Variants in ADAMTSL1 observed in about 807,000 individuals in gnomAD.
The protein encoded by ADAMTSL1 is ADAMTS-like protein 1.
In ADAMTSL1, 126 loss-of-function variants were observed where a neutral mutation model predicts 201.8. The observed-to-expected ratio is 0.62, with a 90% confidence interval of 0.54 to 0.72. The LOEUF (loss-of-function observed/expected upper bound fraction) is 0.72. ADAMTSL1 is among the 30% of genes least tolerant of loss of function. The probability of loss-of-function intolerance (pLI) is 0.00; values close to 1 mark genes in which losing one functional copy is unlikely to be tolerated. For synonymous variants in ADAMTSL1, 1,121 were observed against 903.4 expected (o/e 1.24, Z -4.32); for missense variants, 2,679 against 2,277.8 (o/e 1.18, Z -3.59).
chr9:18,515,271 T>C (rs1211799803), intron 2 of ADAMTSL1, among the ~76,000 whole-genome samples: 1 of 152,140 alleles, frequency 6.6e-6, no homozygotes, highest in African/African-American at 2.4e-5. Flanking sequence ...AGTGCAATGA[T>C]GAGGTTTATC....
intron 1 of ADAMTSL1, among the ~76,000 whole-genome samples, chr9:18,124,833 C>T (rs1052772243): frequency 6.6e-6 from 1 of 152,052 alleles, no homozygotes; most frequent in African/African-American, 2.4e-5. Context: ...GTTTTCTGGT[C>T]CGAAGTGTTT....
chr9:17,965,206 G>C (rs1442109484), intron 1 of ADAMTSL1, among the ~76,000 whole-genome samples: 2 of 152,012 alleles, frequency 1.3e-5, no homozygotes, highest in African/African-American at 4.8e-5. Flanking sequence ...TATTTCAATA[G>C]AAGAGTTTCA....
intron 2 of ADAMTSL1, among the ~76,000 whole-genome samples, chr9:18,259,984 A>G (rs1329503191): frequency 1.3e-5 from 2 of 152,098 alleles, no homozygotes; most frequent in Non-Finnish European, 2.9e-5. Flanking sequence ...TGCTGATACT[A>G]CCCCTCTGGA....
rs150800733 is a variant in ADAMTSL1, at chr9:18,213,053, C to A, written c.207+49072C>A. On this transcript the variant is annotated intron_variant, in intron 2 of 29. Transcript: ENST00000680146. ...AACATCAACTCAGCCTGACTTAATG[C>A]AAGACTTGACCATTTTATTTTTTGG... 1.0e-3 allele frequency among the ~76,000 whole-genome samples: 153 copies of A among 152,306 alleles called. 1 individual carries two copies. Among genetic ancestry groups the A allele is most frequent in the African/African-American group, 3.4e-3 (140 of 41,570 alleles).
At chr9:18,335,108 A>C (rs985243070) in intron 2 of ADAMTSL1, among the ~76,000 whole-genome samples, 1 of 152,200 alleles carries the variant, frequency 6.6e-6, no homozygotes, top group Non-Finnish European at 1.5e-5. Flanking sequence ...AATGACAAAG[A>C]TAATCAAAGT....
intron 12 of ADAMTSL1, 93 bp from the exon 13 acceptor site, chr9:18,684,623 A>T (rs765101447): frequency 1.4e-6 from 2 of 1,401,586 alleles, no homozygotes; most frequent in Non-Finnish European, 1.9e-6. Context: ...TGGTCAACGT[A>T]GTAACTTCTT....
At chr9:18,141,354 C>A (rs1826390516) in intron 1 of ADAMTSL1, among the ~76,000 whole-genome samples, 1 of 152,164 alleles carries the variant, frequency 6.6e-6, no homozygotes, top group Admixed American at 6.5e-5. Context: ...GGGAAAGAGG[C>A]TCTAAGAAAA....
At chr9:18,165,171 AT>A (rs1336064179) in intron 2 of ADAMTSL1, among the ~76,000 whole-genome samples, 1 of 151,740 alleles carries the variant, frequency 6.6e-6, no homozygotes, top group African/African-American at 2.4e-5. Context: ...TTTCCTTCTT[AT>A]GAAAAATATC....
chr9:18,906,183 G>A (rs1830300894), intron 27 of ADAMTSL1, among the ~76,000 whole-genome samples: 1 of 152,162 alleles, frequency 6.6e-6, no homozygotes, highest in African/African-American at 2.4e-5. Context: ...CTAGCCCCAG[G>A]GTGGTCAGGA....
At chr9:18,387,312 T>C (rs1234387433) in intron 2 of ADAMTSL1, among the ~76,000 whole-genome samples, 2 of 151,996 alleles carry the variant, frequency 1.3e-5, no homozygotes, top group Non-Finnish European at 2.9e-5. Flanking sequence ...TCACCAGTCT[T>C]ACAGACATAT....
chr9:18,427,410 A>G lies in ADAMTSL1; in HGVS notation c.208-77419A>G, dbSNP rs79886786. ...GAAAAACAGATTCTCAAGCTATGTC[A>G]TAGAAGTGTGTTACTAAAATATTTG... On this transcript the variant is annotated intron_variant, in intron 2 of 29. Coordinates refer to the ADAMTSL1 transcript ENST00000680146. 8.4e-4 allele frequency among the ~76,000 whole-genome samples: 128 copies of G among 152,370 alleles called. 3 individuals are homozygous for G. The East Asian group carries it at 0.023, about 27-fold the overall frequency.
At chr9:18,716,224 A>T in intron 14 of ADAMTSL1, among the ~76,000 whole-genome samples, 1 of 152,190 alleles carries the variant, frequency 6.6e-6, no homozygotes, top group East Asian at 1.9e-4. Flanking sequence ...AACAAAAGCC[A>T]GAATTGACAA....
At position 18,639,240 on chromosome 9, in the gene ADAMTSL1, G is replaced by T. The variant is rs769504622; in HGVS notation, c.677-14G>T. On this transcript the variant is annotated splice_polypyrimidine_tract_variant and intron_variant, in intron 6 of 28. Transcript: ENST00000380548. Reference sequence around the variant, plus strand: ...GAACATCTTTCTCTCATCTTCACGTGTTTGATCATATAGATCTGGAAACCA... The same window carrying T: ...GAACATCTTTCTCTCATCTTCACGTTTTTGATCATATAGATCTGGAAACCA... The T allele has an allele frequency of 6.2e-7, 1 of 1,612,130 alleles. No homozygotes were observed. The highest frequency in any genetic ancestry group is 8.5e-7 in the Non-Finnish European group (1 of 1,178,768).
At chr9:18,461,679 G>A (rs16936727) in intron 2 of ADAMTSL1, among the ~76,000 whole-genome samples, 1,903 of 152,170 alleles carry the variant, frequency 0.013, 40 homozygotes, top group African/African-American at 0.044. Flanking sequence ...CCTGTCCAGC[G>A]CAGACCTCAG....
chr9:18,656,999 TTAAG>T (rs1828727346), intron 7 of ADAMTSL1, among the ~76,000 whole-genome samples: 3 of 152,238 alleles, frequency 2.0e-5, no homozygotes, highest in Non-Finnish European at 1.5e-5. Flanking sequence ...TAAATTGTTT[TTAAG>T]TAAGTAATCG....
chr9:18,079,418 C>T (rs1254181712), intron 1 of ADAMTSL1, among the ~76,000 whole-genome samples: 1 of 152,002 alleles, frequency 6.6e-6, no homozygotes. Context: ...GTGGCTCACA[C>T]CTGTAATCCC....
At chr9:18,505,891 A>C (rs749502994) in intron 2 of ADAMTSL1, among the ~76,000 whole-genome samples, 1 of 152,208 alleles carries the variant, frequency 6.6e-6, no homozygotes, top group African/African-American at 2.4e-5. Flanking sequence ...GAATTTCTTG[A>C]AATCAGCGTC....
intron 15 of ADAMTSL1, among the ~76,000 whole-genome samples, chr9:18,735,764 T>C (rs1818468637): frequency 6.7e-6 from 1 of 149,208 alleles, no homozygotes; most frequent in Non-Finnish European, 1.5e-5. Flanking sequence ...TTTTTTTTTT[T>C]TTTTGAGACA....
At chr9:18,504,313 G>C (rs1274477428) in intron 1 of ADAMTSL1, among the ~76,000 whole-genome samples, 1 of 152,170 alleles carries the variant, frequency 6.6e-6, no homozygotes, top group Non-Finnish European at 1.5e-5. Flanking sequence ...CATTGCTAAA[G>C]TTATTTGTAT....
Sources: gnomAD v4.1 joint callset for allele counts (sites outside exome capture counted in the v4.1 genomes callset) on GRCh38, gnomAD v4.1.1 for gene constraint, MANE v1.5 for transcripts, NCBI Gene and HGNC (gene_info 2026-07-23, HGNC 2026-07-21) for gene names.